The following GAREM1 variants were observed in gnomAD, a reference collection of about 807,000 sequenced individuals.
GAREM1 encodes GRB2 associated regulator of MAPK1 subtype 1.
GAREM1 carries 26 observed loss-of-function variants against 71.3 expected under a neutral mutation model. The ratio of observed to expected loss-of-function variants is 0.36; its 90% confidence interval spans 0.27 to 0.51. The LOEUF (loss-of-function observed/expected upper bound fraction) is 0.51, where lower values mean the gene tolerates loss of function less well. Among genes scored for constraint, GAREM1 ranks in the 20% least tolerant of loss-of-function variants. The pLI is 0.95. For synonymous variants in GAREM1, 440 were observed against 433.2 expected (o/e 1.02, Z -0.20); for missense variants, 1,026 against 1,103.1 (o/e 0.93, Z 0.99).
intron 3 of GAREM1, among the ~76,000 whole-genome samples, chr18:32,293,176 C>A (rs1052462961): frequency 6.6e-6 from 1 of 151,960 alleles, no homozygotes; most frequent in Non-Finnish European, 1.5e-5. Flanking sequence ...CACACACACA[C>A]GTATATCTTA....
At chr18:32,371,575 T>C (rs17805905) in intron 2 of GAREM1, among the ~76,000 whole-genome samples, 5,312 of 152,002 alleles carry the variant, frequency 0.035, 143 homozygotes, top group East Asian at 0.11. Context: ...CTGGCTTGGG[T>C]AGGGATACCA....
intron 1 of GAREM1, among the ~76,000 whole-genome samples, chr18:32,404,314 A>G (rs892756288): frequency 2.0e-5 from 3 of 152,134 alleles, no homozygotes; most frequent in Non-Finnish European, 4.4e-5. Context: ...GGATGACTAA[A>G]TATAATATGT....
chr18:32,394,005 C>T (rs2144660978), intron 1 of GAREM1, among the ~76,000 whole-genome samples: 1 of 152,258 alleles, frequency 6.6e-6, no homozygotes, highest in South Asian at 2.1e-4. Context: ...CTCAAAAATT[C>T]TTAAAAATTT....
chr18:32,340,653 T>G (rs2047639222), intron 2 of GAREM1, among the ~76,000 whole-genome samples: 1 of 152,236 alleles, frequency 6.6e-6, no homozygotes, highest in South Asian at 2.1e-4. Flanking sequence ...GTATGTTTAC[T>G]GCAACAACTC....
chr18:32,288,690 A>T (rs2144471179), intron 3 of GAREM1, among the ~76,000 whole-genome samples: 2 of 152,210 alleles, frequency 1.3e-5, no homozygotes, highest in Middle Eastern at 3.4e-3. Flanking sequence ...AAAAATACAA[A>T]TATAAAAATG....
intron 2 of GAREM1, among the ~76,000 whole-genome samples, chr18:32,343,376 G>A (rs1233364638): frequency 2.7e-5 from 4 of 148,222 alleles, no homozygotes; most frequent in Admixed American, 6.8e-5. Flanking sequence ...GTGCAGTGGC[G>A]CGATCTCAGC....
chr18:32,399,997 A>G (rs1265274319), intron 1 of GAREM1, among the ~76,000 whole-genome samples: 1 of 152,216 alleles, frequency 6.6e-6, no homozygotes, highest in African/African-American at 2.4e-5. Flanking sequence ...GGAACAGAAC[A>G]GAGCCCTCAG....
intron 1 of GAREM1, among the ~76,000 whole-genome samples, chr18:32,401,605 T>C (rs915601841): frequency 4.6e-5 from 7 of 152,126 alleles, no homozygotes; most frequent in African/African-American, 1.7e-4. Context: ...TGAAGGGTTT[T>C]GGATGAGAAG....
intron 1 of GAREM1, among the ~76,000 whole-genome samples, chr18:32,411,916 T>C (rs1411034831): frequency 6.6e-6 from 1 of 151,992 alleles, no homozygotes; most frequent in Non-Finnish European, 1.5e-5. Context: ...GATCAGACTA[T>C]TACATTTAGC....
chr18:32,335,776 C>T (rs1342905883), intron 2 of GAREM1, among the ~76,000 whole-genome samples: 1 of 152,126 alleles, frequency 6.6e-6, no homozygotes, highest in African/African-American at 2.4e-5. Flanking sequence ...AATATAATAC[C>T]TTCTTTAGAT....
chr18:32,351,692 A>G (rs2047753480), intron 2 of GAREM1, among the ~76,000 whole-genome samples: 1 of 148,160 alleles, frequency 6.7e-6, no homozygotes, highest in African/African-American at 2.6e-5. Context: ...CTCAAGCAAT[A>G]CCCTCTCTCT....
chr18:32,337,642 C>T (rs536128751), intron 2 of GAREM1, among the ~76,000 whole-genome samples: 1 of 152,156 alleles, frequency 6.6e-6, no homozygotes, highest in Non-Finnish European at 1.5e-5. Flanking sequence ...AAGATCTTTA[C>T]CACATTTGAT....
chr18:32,272,909 A>T (rs1396797317), intron 4 of GAREM1, among the ~76,000 whole-genome samples: 1 of 152,208 alleles, frequency 6.6e-6, no homozygotes, highest in Non-Finnish European at 1.5e-5. Flanking sequence ...CTGAGAACCA[A>T]CCAGGATGCC....
chr18:32,437,308 G>A (rs1568011175), intron 1 of GAREM1, among the ~76,000 whole-genome samples: 1 of 152,160 alleles, frequency 6.6e-6, no homozygotes, highest in Non-Finnish European at 1.5e-5. Context: ...AAGGGGATGG[G>A]ATGGCATCAT....
chr18:32,373,411 A>C (rs1412771032), intron 2 of GAREM1, among the ~76,000 whole-genome samples: 2 of 152,210 alleles, frequency 1.3e-5, no homozygotes, highest in African/African-American at 4.8e-5. Flanking sequence ...CCTAATGCCC[A>C]ACATGAAGGT....
In GAREM1 at chr18:32,323,292, G is replaced by A. The variant is rs926937416; in HGVS notation, c.263-12969C>T. On this transcript the variant is annotated intron_variant, in intron 2 of 5. Transcript: ENST00000269209. ...CTGATGCTGTTGTATTTGTGAATGG[G>A]TTAATGTTGGTCAAGAAATGTGTGG... is the stretch of plus-strand genomic sequence containing the variant. 2.0e-5 allele frequency among the ~76,000 whole-genome samples: 3 copies of A among 152,220 alleles called. 1 individual carries two copies. Among genetic ancestry groups the A allele is most frequent in the Non-Finnish European group, 4.4e-5 (3 of 68,044 alleles).
chr18:32,435,022 T>C (rs1010467515), intron 1 of GAREM1, among the ~76,000 whole-genome samples: 5 of 152,090 alleles, frequency 3.3e-5, no homozygotes, highest in Non-Finnish European at 7.4e-5. Context: ...GTCTCATCTC[T>C]GCATGTTTTC....
chr18:32,290,060 T>G (rs2047065531), intron 3 of GAREM1, among the ~76,000 whole-genome samples: 1 of 151,878 alleles, frequency 6.6e-6, no homozygotes, highest in South Asian at 2.1e-4. Context: ...CATCACTAAT[T>G]TGCAGTGTCA....
chr18:32,396,792 G>A (rs2048261826), intron 1 of GAREM1, among the ~76,000 whole-genome samples: 1 of 151,996 alleles, frequency 6.6e-6, no homozygotes, highest in African/African-American at 2.4e-5. Flanking sequence ...TTCAAATACA[G>A]GAAATACAGA....
Sources: gnomAD v4.1 joint callset for allele counts (sites outside exome capture counted in the v4.1 genomes callset) on GRCh38, gnomAD v4.1.1 for gene constraint, MANE v1.5 for transcripts, NCBI Gene and HGNC (gene_info 2026-07-23, HGNC 2026-07-21) for gene names.